THNSL1: variants seen among roughly 807,000 people sequenced by gnomAD.
The protein encoded by THNSL1 is threonine synthase-like 1.
A neutral mutation model predicts 50.4 loss-of-function variants in THNSL1; 48 were observed. The observed-to-expected ratio is 0.95, with a 90% CI of 0.76 to 1.21. The LOEUF (loss-of-function observed/expected upper bound fraction) is 1.21, where lower values mean the gene tolerates loss of function less well. THNSL1 is among the 50% of genes most tolerant of loss of function. THNSL1 has a pLI of 0.00. For synonymous variants in THNSL1, 309 were observed against 306.1 expected (o/e 1.01, Z -0.10); for missense variants, 896 against 871.7 (o/e 1.03, Z -0.35).
At chr10:24,970,719 T>TA in the THNSL1 span, among the ~76,000 whole-genome samples, 3,643 of 122,906 alleles carry the variant, frequency 0.03, 124 homozygotes, top group African/African-American at 0.093. Context: ...TCTCTATTAA[T>TA]AAAAAAAAAA....
the THNSL1 span, among the ~76,000 whole-genome samples, chr10:24,993,196 C>T: frequency 6.6e-6 from 1 of 152,086 alleles, no homozygotes; most frequent in Non-Finnish European, 1.5e-5. Context: ...AAAAAAAACT[C>T]ACAAATGAGC....
At chr10:24,985,059 G>A in the THNSL1 span, among the ~76,000 whole-genome samples, 73,385 of 151,988 alleles carry the variant, frequency 0.48, 18,674 homozygotes, top group African/African-American at 0.66. Context: ...ACTTGGCCAC[G>A]GTAACCAAAA....
At chr10:25,006,517 A>C in the THNSL1 span, among the ~76,000 whole-genome samples, 1 of 152,208 alleles carries the variant, frequency 6.6e-6, no homozygotes. Flanking sequence ...TAATAGAGTC[A>C]AATTTGTTTC....
At chr10:25,002,199 G>T in the THNSL1 span, among the ~76,000 whole-genome samples, 2 of 152,176 alleles carry the variant, frequency 1.3e-5, no homozygotes, top group South Asian at 4.1e-4. Flanking sequence ...GGGCTGGTGG[G>T]AACACGAACT....
In THNSL1 at chr10:25,024,836, A is replaced by AT; in HGVS notation, c.1614dup (p.Val539CysfsTer4). On this transcript the variant is annotated frameshift_variant, in exon 3 of 3. Coordinates refer to ENST00000376356, the MANE Select transcript of THNSL1 (RefSeq NM_024838.5). LOFTEE classifies it high-confidence loss of function. The stretch of plus-strand genomic sequence containing the variant: ...TTTATCTGTGCCTCTAATCAGAACC[A>AT]TGTTTTGACTGATTTTATAAAAACA... 2.5e-6 allele frequency: 4 copies of AT among 1,614,192 alleles called. No homozygotes were observed. The highest frequency in any genetic ancestry group is 3.4e-6 in the Non-Finnish European group (4 of 1,180,034).
upstream of THNSL1, among the ~76,000 whole-genome samples, chr10:25,016,490 G>A (rs1318636270): frequency 6.6e-6 from 1 of 152,194 alleles, no homozygotes; most frequent in Non-Finnish European, 1.5e-5. Flanking sequence ...CCACGAGGAC[G>A]CAAGGCCAGC....
At chr10:24,995,160 T>C in the THNSL1 span, among the ~76,000 whole-genome samples, 2 of 151,810 alleles carry the variant, frequency 1.3e-5, no homozygotes, top group African/African-American at 4.9e-5. Flanking sequence ...AATAAATATA[T>C]TCATGTTAAA....
At chr10:24,975,129 CT>C in the THNSL1 span, among the ~76,000 whole-genome samples, 1 of 152,072 alleles carries the variant, frequency 6.6e-6, no homozygotes, top group African/African-American at 2.4e-5. Context: ...AGCCTGCTGG[CT>C]GTGTTGAGCC....
chr10:24,979,658 A>C, the THNSL1 span, among the ~76,000 whole-genome samples: 3 of 152,182 alleles, frequency 2.0e-5, no homozygotes, highest in African/African-American at 7.2e-5. Flanking sequence ...TCTCATTCAC[A>C]CTGATGAATC....
At chr10:24,984,908 G>A in the THNSL1 span, 5 of 1,609,220 alleles carry the variant, frequency 3.1e-6, no homozygotes, top group African/African-American at 1.3e-5. Flanking sequence ...TTCAGCCCCT[G>A]CAAATGGTCA....
chr10:24,964,831 G>A, the THNSL1 span, among the ~76,000 whole-genome samples: 3 of 152,176 alleles, frequency 2.0e-5, no homozygotes, highest in African/African-American at 4.8e-5. Flanking sequence ...TGAAGTCCCA[G>A]GTGGGCAGAT....
At chr10:24,965,222 C>A in the THNSL1 span, among the ~76,000 whole-genome samples, 78,788 of 151,966 alleles carry the variant, frequency 0.52, 22,496 homozygotes, top group African/African-American at 0.77. Flanking sequence ...CTAAGGTTCA[C>A]TTCCTTTGTG....
At chr10:24,998,488 C>T in the THNSL1 span, among the ~76,000 whole-genome samples, 7 of 151,992 alleles carry the variant, frequency 4.6e-5, no homozygotes, top group Non-Finnish European at 7.4e-5. Context: ...GATCCTTCCA[C>T]ATCAGCCTCC....
At chr10:25,021,137 C>G (rs942022625) in intron 1 of THNSL1, among the ~76,000 whole-genome samples, 8 of 152,144 alleles carry the variant, frequency 5.3e-5, no homozygotes, top group African/African-American at 1.9e-4. Context: ...TGCCTTGTAC[C>G]TACATATTTG....
the THNSL1 span, among the ~76,000 whole-genome samples, chr10:24,994,188 A>C: frequency 6.6e-6 from 1 of 152,006 alleles, no homozygotes; most frequent in Non-Finnish European, 1.5e-5. Context: ...GTCCCTGTAC[A>C]TCACTATTGC....
At chr10:24,984,348 T>TTTCA in the THNSL1 span, 1 of 1,596,172 alleles carries the variant, frequency 6.3e-7, no homozygotes, top group East Asian at 2.2e-5. Flanking sequence ...ACTTAACAGT[T>TTTCA]TTCAAAGTTG....
chr10:24,991,447 C>T, the THNSL1 span, among the ~76,000 whole-genome samples: 1 of 151,410 alleles, frequency 6.6e-6, no homozygotes, highest in Non-Finnish European at 1.5e-5. Flanking sequence ...GGCTGGACGT[C>T]GAGAGGAACA....
chr10:24,992,688 A>G, the THNSL1 span, among the ~76,000 whole-genome samples: 1 of 152,234 alleles, frequency 6.6e-6, no homozygotes, highest in African/African-American at 2.4e-5. Context: ...AAAGCAAACA[A>G]TAACACTTTG....
the THNSL1 span, among the ~76,000 whole-genome samples, chr10:25,008,819 T>C: frequency 6.6e-6 from 1 of 152,290 alleles, no homozygotes; most frequent in Non-Finnish European, 1.5e-5. Flanking sequence ...ATGTTTATTG[T>C]GGCACTATTC....
Sources: allele counts gnomAD v4.1 joint callset (sites outside exome capture counted in the v4.1 genomes callset), GRCh38; gene constraint gnomAD v4.1.1; transcripts MANE v1.5; gene names NCBI Gene and HGNC (gene_info 2026-07-23, HGNC 2026-07-21).